TAOK1: variants seen among roughly 807,000 people sequenced by gnomAD.
TAOK1 encodes the protein TAO kinase 1, also known as serine/threonine-protein kinase TAO1.
Under a neutral mutation model 138.3 loss-of-function variants are expected in TAOK1, and 21 were observed. The observed-to-expected ratio is 0.15, with a 90% confidence interval of 0.11 to 0.22. The LOEUF (loss-of-function observed/expected upper bound fraction) is 0.22, where lower values mean the gene tolerates loss of function less well. TAOK1 is among the 10% of genes least tolerant of loss of function. The pLI is 1.00. For missense variants in TAOK1, 651 were observed against 1,227.7 expected (o/e 0.53, Z 7.02); for synonymous variants, 361 against 398.4 (o/e 0.91, Z 1.12).
chr17:29,514,022 A>G (rs528900283), intron 15 of TAOK1: 1 of 152,180 alleles, frequency 6.6e-6, no homozygotes, highest in African/African-American at 2.4e-5. Context: ...CAGCTACACA[A>G]GAGGGTGAGG....
At position 29,542,119 on chromosome 17, in the gene TAOK1, C is replaced by T. The variant is rs571032001; in HGVS notation, c.2545-442C>T. On this transcript the variant is annotated intron_variant, in intron 19 of 19. Coordinates refer to ENST00000261716, the MANE Select transcript of TAOK1 (RefSeq NM_020791.4). ...GTCTCGATCTCCTGACCTCATGATC[C>T]GCCCGCATCAGCCTCCCAAAGTGCT... is the stretch of plus-strand genomic sequence containing the variant. Among the ~76,000 whole-genome samples, 338 of 152,198 alleles carry T rather than the reference C, an allele frequency of 2.2e-3. 2 individuals are homozygous for T. Among genetic ancestry groups the T allele is most frequent in the African/African-American group, 7.6e-3 (314 of 41,536 alleles).
intron 17 of TAOK1, among the ~76,000 whole-genome samples, chr17:29,528,653 G>A (rs2032052098): frequency 6.6e-6 from 1 of 151,624 alleles, no homozygotes; most frequent in Admixed American, 6.6e-5. Context: ...AAGCCTGGCT[G>A]ACATGGTGAA....
chr17:29,539,284 T>C (rs1263980163), intron 19 of TAOK1, among the ~76,000 whole-genome samples: 1 of 151,946 alleles, frequency 6.6e-6, no homozygotes, highest in Non-Finnish European at 1.5e-5. Flanking sequence ...ACAAACATAT[T>C]TTTGTGTAGG....
intron 4 of TAOK1, among the ~76,000 whole-genome samples, chr17:29,476,611 T>C (rs1271339338): frequency 6.6e-6 from 1 of 152,158 alleles, no homozygotes; most frequent in Non-Finnish European, 1.5e-5. Flanking sequence ...AAGCTTTGTA[T>C]AGTTTTTCCT....
At chr17:29,421,256 G>GAATT (rs1382672261) in intron 1 of TAOK1, among the ~76,000 whole-genome samples, 1 of 152,152 alleles carries the variant, frequency 6.6e-6, no homozygotes, top group East Asian at 1.9e-4. Context: ...CTAATAAAGT[G>GAATT]AATTATATGG....
In TAOK1 at chr17:29,515,345, T is replaced by C. The variant is rs1480029644; in HGVS notation, c.1705-2108T>C. On this transcript the variant is annotated intron_variant, in intron 15 of 19. Transcript: ENST00000261716. ...CTGTATTTTTGTCCTAGTTCACTCGTGATTTTTACCTGAAAGTACTATCTT... is the reference window on the plus strand; with the variant it reads ...CTGTATTTTTGTCCTAGTTCACTCGCGATTTTTACCTGAAAGTACTATCTT... 5.3e-5 allele frequency among the ~76,000 whole-genome samples: 8 copies of C among 152,338 alleles called. No individual in the cohort carries two copies. In the East Asian group the frequency reaches 1.5e-3, roughly 29 times the overall value.
chr17:29,469,810 A>G (rs573075636), intron 3 of TAOK1, among the ~76,000 whole-genome samples: 8 of 152,314 alleles, frequency 5.3e-5, no homozygotes, highest in African/African-American at 1.9e-4. Context: ...TTTTTATGTT[A>G]AGGAATACAT....
intron 10 of TAOK1, among the ~76,000 whole-genome samples, chr17:29,495,169 T>G (rs1368030651): frequency 6.6e-6 from 1 of 152,194 alleles, no homozygotes; most frequent in Non-Finnish European, 1.5e-5. Context: ...CTTTCATAAT[T>G]CACCATCATT....
chr17:29,548,058 T>A lies in TAOK1; in HGVS notation c.*5036T>A, dbSNP rs1423595447. 6.6e-6 allele frequency: 1 copy of A among 152,184 alleles called. No individual in the cohort carries two copies. 9.4% of individuals were successfully genotyped at this position (152,184 alleles called of 1,614,324 possible). ...AGAAAGTGAAGCTGAGAACTCTTCC[T>A]TTATTGTGCATTTATATTTTCTGCT... On this transcript the variant is annotated 3_prime_UTR_variant, in exon 20 of 20. Transcript: ENST00000261716.
At chr17:29,458,419 C>T (rs2030446163) in intron 2 of TAOK1, among the ~76,000 whole-genome samples, 1 of 152,194 alleles carries the variant, frequency 6.6e-6, no homozygotes, top group Non-Finnish European at 1.5e-5. Flanking sequence ...TTTATCGTCT[C>T]CAACATTTGG....
rs557615304 is a variant in TAOK1, at chr17:29,502,092, G to A, written c.1204-497G>A. On this transcript the variant is annotated intron_variant, in intron 12 of 19. Coordinates refer to ENST00000261716, the MANE Select transcript of TAOK1 (RefSeq NM_020791.4). Reference sequence around the variant, plus strand: ...CTAGTCATGTGCATTTTCTTGTCCTGAGTCTGTGTACTATTTTATACCCTG... The same window carrying A: ...CTAGTCATGTGCATTTTCTTGTCCTAAGTCTGTGTACTATTTTATACCCTG... 1.3e-4 allele frequency among the ~76,000 whole-genome samples: 20 copies of A among 152,238 alleles called. No homozygotes were observed. The South Asian group carries it at 3.3e-3, about 25-fold the overall frequency.
Position 29,510,997 on chromosome 17 carries a change from T to C in TAOK1, c.1704+5T>C. 6.3e-7 allele frequency: 1 copy of C among 1,583,950 alleles called. No homozygotes were observed. The highest frequency in any genetic ancestry group is 8.5e-7 in the Non-Finnish European group (1 of 1,170,216). ...CGAAAAGAGCAGCTTAAAGAGGTAC[T>C]TATGTCATAAAACTTTCCAAGCAAA... is the stretch of plus-strand genomic sequence containing the variant. On this transcript the variant is annotated splice_donor_5th_base_variant and intron_variant, in intron 15 of 19. Transcript: ENST00000261716.
intron 19 of TAOK1, among the ~76,000 whole-genome samples, chr17:29,536,995 C>T (rs1432886013): frequency 8.6e-5 from 13 of 152,032 alleles, no homozygotes; most frequent in South Asian, 4.2e-4. Context: ...CCACAGCGCC[C>T]GGCCATCTCA....
chr17:29,498,465 A>G lies in TAOK1; in HGVS notation c.1147A>G (p.Met383Val). 1 of 1,614,244 alleles carries G rather than the reference A, an allele frequency of 6.2e-7. No individual in the cohort carries two copies. Among genetic ancestry groups the G allele is most frequent in the Non-Finnish European group, 8.5e-7 (1 of 1,180,034 alleles). ...DVSDDKSELD[M>V]MEGDHTVMSN... is the part of the protein sequence containing the mutation. Reference sequence around the variant, plus strand: ...CTCAGATGACAAGAGTGAGCTAGACATGATGGAGGGAGACCACACAGTGAT... The same window carrying G: ...CTCAGATGACAAGAGTGAGCTAGACGTGATGGAGGGAGACCACACAGTGAT... The change falls in exon 12 of 20, where the codon ATG (methionine) becomes GTG (valine). Residue 383 changes from methionine (M) to valine (V), a missense_variant. Physicochemically the swap from Met to Val is conservative, Grantham distance 21. Transcript: ENST00000261716.
At chr17:29,519,188 ATGT>A (rs974663082) in intron 16 of TAOK1, among the ~76,000 whole-genome samples, 6 of 151,890 alleles carry the variant, frequency 4.0e-5, no homozygotes, top group Non-Finnish European at 5.9e-5. Context: ...AATTGGGTAA[ATGT>A]TGTAGAAACT....
At chr17:29,444,985 C>T (rs2030041361) in intron 1 of TAOK1, among the ~76,000 whole-genome samples, 2 of 152,142 alleles carry the variant, frequency 1.3e-5, no homozygotes, top group South Asian at 4.1e-4. Flanking sequence ...TAAGTAGAGA[C>T]AGTTTTCTTT....
At chr17:29,488,454 C>G (rs989158052) in intron 8 of TAOK1, among the ~76,000 whole-genome samples, 1 of 67,598 alleles carries the variant, frequency 1.5e-5, no homozygotes, top group South Asian at 4.3e-4. Flanking sequence ...CCTGTAATCC[C>G]AGGTACTCGG....
intron 1 of TAOK1, among the ~76,000 whole-genome samples, chr17:29,408,800 C>T (rs1044931772): frequency 6.6e-6 from 1 of 151,948 alleles, no homozygotes; most frequent in South Asian, 2.1e-4. Context: ...GCAACCTCCA[C>T]CTCCTGGGTT....
Position 29,466,229 on chromosome 17 carries a change from C to T in TAOK1, c.133-916C>T, listed in dbSNP as rs1408200301. Among the ~76,000 whole-genome samples, 6 of 152,150 alleles carry T rather than the reference C, an allele frequency of 3.9e-5. No individual in the cohort carries two copies. The East Asian group carries it at 5.8e-4, about 15-fold the overall frequency. On this transcript the variant is annotated intron_variant, in intron 2 of 19. Coordinates refer to ENST00000261716, the MANE Select transcript of TAOK1 (RefSeq NM_020791.4). ...CACGGTCATGGCTCACTGCAGTCTC[C>T]GACTCCCAGTTTCAAGCGATTCTCC... is the stretch of plus-strand genomic sequence containing the variant.
Sources: allele counts gnomAD v4.1 joint callset (sites outside exome capture counted in the v4.1 genomes callset), GRCh38; gene constraint gnomAD v4.1.1; transcripts MANE v1.5; gene names NCBI Gene and HGNC (gene_info 2026-07-23, HGNC 2026-07-21).